Variants in KCNN2 observed in about 807,000 individuals in gnomAD.
KCNN2 encodes the protein small conductance calcium-activated potassium channel protein 2.
A neutral mutation model predicts 55.5 loss-of-function variants in KCNN2; 24 were observed. The observed-to-expected ratio is 0.43, with a 90% CI of 0.31 to 0.61. KCNN2 has a LOEUF of 0.61. Ranked by LOEUF, KCNN2 falls within the 20% of genes least tolerant of loss-of-function variation. KCNN2 has a pLI of 0.08. For missense variants in KCNN2, 754 were observed against 853.6 expected (o/e 0.88, Z 1.45); for synonymous variants, 431 against 336.1 (o/e 1.28, Z -3.09).
At chr5:114,472,238 G>A (rs1478798110) in intron 4 of KCNN2, among the ~76,000 whole-genome samples, 4 of 127,480 alleles carry the variant, frequency 3.1e-5, no homozygotes, top group Admixed American at 7.9e-5. Flanking sequence ...GTAGTTGCTC[G>A]TCTTTCAGCA....
intron 2 of KCNN2, among the ~76,000 whole-genome samples, chr5:114,274,625 G>T (rs1415401969): frequency 1.3e-5 from 2 of 152,054 alleles, no homozygotes; most frequent in Non-Finnish European, 1.5e-5. Flanking sequence ...CTCCTGATTT[G>T]GCTCTCTGTT....
At chr5:114,079,809 A>G (rs749664430) in intron 1 of KCNN2, among the ~76,000 whole-genome samples, 45 of 150,816 alleles carry the variant, frequency 3.0e-4, no homozygotes, top group Non-Finnish European at 5.3e-4. Flanking sequence ...ATCAATAAAC[A>G]GTAGATACTT....
chr5:114,127,952 A>C (rs1323069737), intron 1 of KCNN2, among the ~76,000 whole-genome samples: 2 of 152,176 alleles, frequency 1.3e-5, no homozygotes, highest in East Asian at 3.9e-4. Context: ...TCCATCTCAG[A>C]CCACCTCAGC....
chr5:114,315,839 G>A (rs1756490242), intron 2 of KCNN2, among the ~76,000 whole-genome samples: 1 of 152,118 alleles, frequency 6.6e-6, no homozygotes, highest in East Asian at 1.9e-4. Flanking sequence ...TGATAGAGAA[G>A]CCTTTCTGTG....
chr5:114,106,796 A>G (rs1019006832), intron 1 of KCNN2, among the ~76,000 whole-genome samples: 3 of 151,934 alleles, frequency 2.0e-5, no homozygotes, highest in Non-Finnish European at 4.4e-5. Context: ...TCTATCAGCT[A>G]TATGTATTGA....
chr5:114,255,510 T>C (rs1223665132), intron 2 of KCNN2, among the ~76,000 whole-genome samples: 1 of 152,088 alleles, frequency 6.6e-6, no homozygotes, highest in Non-Finnish European at 1.5e-5. Context: ...GAGAAACACA[T>C]GATGAGAGAT....
At chr5:114,445,039 C>T (rs1402451127) in intron 3 of KCNN2, among the ~76,000 whole-genome samples, 2 of 152,052 alleles carry the variant, frequency 1.3e-5, no homozygotes, top group Non-Finnish European at 2.9e-5. Flanking sequence ...GATGGGAGGT[C>T]ACAATTCTGA....
intron 4 of KCNN2, 30 bp downstream of exon 4, chr5:114,463,220 T>C (rs780982946): frequency 4.4e-6 from 7 of 1,587,296 alleles, no homozygotes; most frequent in South Asian, 2.3e-5. Flanking sequence ...ACATCTCTTT[T>C]ATTTACGCTC....
intron 2 of KCNN2, among the ~76,000 whole-genome samples, chr5:114,229,956 T>G (rs1754322862): frequency 6.6e-6 from 1 of 152,192 alleles, no homozygotes; most frequent in African/African-American, 2.4e-5. Context: ...CAGAAGCCTT[T>G]CTTTTTTTGC....
At chr5:114,081,764 A>G (rs565576029) in intron 1 of KCNN2, among the ~76,000 whole-genome samples, 2 of 152,312 alleles carry the variant, frequency 1.3e-5, no homozygotes, top group African/African-American at 4.8e-5. Context: ...AAAAGTAAAC[A>G]AATCAGATTT....
intron 1 of KCNN2, among the ~76,000 whole-genome samples, chr5:114,363,694 C>A (rs1757518321): frequency 1.3e-5 from 2 of 152,202 alleles, no homozygotes. Flanking sequence ...AGCCACGCGT[C>A]TTCCCAGTCT....
chr5:114,299,645 A>G (rs1756110603), intron 2 of KCNN2, among the ~76,000 whole-genome samples: 1 of 152,138 alleles, frequency 6.6e-6, no homozygotes, highest in African/African-American at 2.4e-5. Context: ...AGCCTATCCC[A>G]TCTAGTCCCA....
intron 1 of KCNN2, among the ~76,000 whole-genome samples, chr5:114,202,464 G>A (rs372647345): frequency 1.4e-5 from 2 of 145,258 alleles, no homozygotes; most frequent in African/African-American, 2.6e-5. Flanking sequence ...GAAGAATCCT[G>A]GTTTTGTTAA....
At chr5:114,428,622 TTC>T (rs768700722) in intron 3 of KCNN2, among the ~76,000 whole-genome samples, 4 of 152,126 alleles carry the variant, frequency 2.6e-5, no homozygotes, top group Non-Finnish European at 5.9e-5. Flanking sequence ...AAAAATGTAT[TTC>T]TGTTTGTTGG....
At chr5:114,487,198 T>C (rs1275330934) in intron 6 of KCNN2, 21 bp downstream of exon 6, 22 of 1,609,872 alleles carry the variant, frequency 1.4e-5, no homozygotes, top group Non-Finnish European at 1.9e-5. Flanking sequence ...TTTTTCATTT[T>C]TATCCTGTTG....
At chr5:114,451,636 C>T (rs1273296281) in intron 3 of KCNN2, among the ~76,000 whole-genome samples, 1 of 152,082 alleles carries the variant, frequency 6.6e-6, no homozygotes, top group Non-Finnish European at 1.5e-5. Context: ...GTGGCTCAAG[C>T]CTGTAATCCC....
intron 3 of KCNN2, among the ~76,000 whole-genome samples, chr5:114,405,876 A>T (rs952974194): frequency 1.3e-5 from 2 of 151,672 alleles, no homozygotes; most frequent in Admixed American, 6.6e-5. Flanking sequence ...ATACCTGGCT[A>T]ATTTTTTGTA....
At chr5:114,473,952 C>G (rs1419904613) in intron 5 of KCNN2, among the ~76,000 whole-genome samples, 1 of 152,152 alleles carries the variant, frequency 6.6e-6, no homozygotes, top group African/African-American at 2.4e-5. Context: ...TTTAGCCTTT[C>G]TTGATAGTCA....
At chr5:114,131,190 A>T (rs1294955650) in intron 1 of KCNN2, among the ~76,000 whole-genome samples, 2 of 152,104 alleles carry the variant, frequency 1.3e-5, no homozygotes, top group East Asian at 1.9e-4. Context: ...AAATAGGTAA[A>T]CACATACCAT....
Sources: gnomAD v4.1 joint callset for allele counts (sites outside exome capture counted in the v4.1 genomes callset) on GRCh38, gnomAD v4.1.1 for gene constraint, MANE v1.5 for transcripts, NCBI Gene and HGNC (gene_info 2026-07-23, HGNC 2026-07-21) for gene names.